The following SLC26A4 variants were observed in gnomAD, a reference collection of about 807,000 sequenced individuals.
The protein encoded by SLC26A4 is pendrin.
Under a neutral mutation model 90.4 loss-of-function variants are expected in SLC26A4, and 93 were observed. That is an observed-to-expected ratio of 1.03 (90% CI 0.87 to 1.22). SLC26A4 has a LOEUF of 1.22. Among genes scored for constraint, SLC26A4 ranks in the 50% most tolerant of loss-of-function variants. The pLI, the probability that SLC26A4 is intolerant of heterozygous loss-of-function variation, is 0.00. For synonymous variants in SLC26A4, 393 were observed against 354.6 expected (o/e 1.11, Z -1.22); for missense variants, 1,127 against 946.2 (o/e 1.19, Z -2.51).
At chr7:107,703,746 T>G (rs1791962092) in intron 17 of SLC26A4, among the ~76,000 whole-genome samples, 1 of 152,246 alleles carries the variant, frequency 6.6e-6, no homozygotes. Context: ...TCCTCCATAA[T>G]TCTCAAATTC....
intron 14 of SLC26A4, among the ~76,000 whole-genome samples, chr7:107,699,657 G>T (rs182751392): frequency 6.6e-6 from 1 of 151,956 alleles, no homozygotes; most frequent in Admixed American, 6.6e-5. Context: ...GGCCGGGCAC[G>T]GTGGTTCACA....
At chr7:107,667,440 C>G (rs1207173562) in intron 3 of SLC26A4, among the ~76,000 whole-genome samples, 1 of 98,304 alleles carries the variant, frequency 1.0e-5, no homozygotes, top group Non-Finnish European at 1.8e-5. Flanking sequence ...AATGTGGGAT[C>G]AGAAGCCAAG....
intron 3 of SLC26A4, among the ~76,000 whole-genome samples, chr7:107,670,306 A>G (rs570310655): frequency 6.6e-6 from 1 of 151,918 alleles, no homozygotes; most frequent in Admixed American, 6.6e-5. Flanking sequence ...ACGGGGTTTC[A>G]CCATCTTGGC....
chr7:107,668,412 G>A (rs1790776145), intron 3 of SLC26A4, among the ~76,000 whole-genome samples: 1 of 152,162 alleles, frequency 6.6e-6, no homozygotes, highest in Admixed American at 6.5e-5. Flanking sequence ...TGGAAGGTTT[G>A]GAGGCTGTAG....
Position 107,712,565 on chromosome 7 carries a change from T to C in SLC26A4, c.2262T>C (p.Asp754=), listed in dbSNP as rs1323198188. The C allele has an allele frequency of 1.3e-6, 2 of 1,587,288 alleles. No homozygotes were observed. The highest frequency in any genetic ancestry group is 8.7e-7 in the Non-Finnish European group (1 of 1,155,608). ...ETITLIQDCK[D]TLELIETELT... Reference sequence around the variant, plus strand: ...TCACTCTCATTCAGGATTGTAAAGATACCCTTGAATTAATAGAAACAGAGC... The same window carrying C: ...TCACTCTCATTCAGGATTGTAAAGACACCCTTGAATTAATAGAAACAGAGC... The change falls in exon 20 of 21, where the codon GAT becomes GAC. Residue 754 remains aspartate, a synonymous_variant. Coordinates refer to ENST00000644269, the MANE Select transcript of SLC26A4 (RefSeq NM_000441.2).
intron 13 of SLC26A4, among the ~76,000 whole-genome samples, chr7:107,696,900 G>T (rs1350497657): frequency 6.6e-6 from 1 of 152,150 alleles, no homozygotes; most frequent in African/African-American, 2.4e-5. Flanking sequence ...GGCCGTGAAA[G>T]AAGAAGACAC....
intron 18 of SLC26A4, among the ~76,000 whole-genome samples, chr7:107,705,056 G>T (rs747158842): frequency 1.3e-5 from 2 of 152,158 alleles, no homozygotes; most frequent in African/African-American, 4.8e-5. Context: ...CTGAGCCACC[G>T]AAGGCTGCTC....
chr7:107,685,803 G>T (rs544120672), intron 8 of SLC26A4, among the ~76,000 whole-genome samples: 1 of 152,170 alleles, frequency 6.6e-6, no homozygotes, highest in East Asian at 1.9e-4. Flanking sequence ...AATCTGCCCA[G>T]TTCCTCACTC....
chr7:107,695,006 C>T (rs1230846216), intron 12 of SLC26A4, among the ~76,000 whole-genome samples: 1 of 152,114 alleles, frequency 6.6e-6, no homozygotes, highest in Non-Finnish European at 1.5e-5. Flanking sequence ...TGTTTAAACA[C>T]CCTAGTTTAG....
rs181366630 is a variant in SLC26A4, at chr7:107,701,941, T to C, written c.1918T>C (p.Trp640Arg). The C allele has an allele frequency of 4.3e-6, 7 of 1,613,546 alleles. No homozygotes were observed. In the Admixed American group the frequency reaches 8.3e-5, roughly 19 times the overall value. The change falls in exon 17 of 21, where the codon TGG becomes CGG. Residue 640 changes from tryptophan to arginine, a missense_variant. By Grantham distance (101) the Trp-to-Arg change is moderately radical. Transcript: ENST00000644269. ...CAAGGAAATAGAGATTCAAGTGGAT[T>C]GGAACTCTGAGCTTCCAGTCAAAGT... ...PTKEIEIQVD[W>R]NSELPVKVNV...
rs1369062417 is a variant in SLC26A4 at position 107,674,241 on chromosome 7, A to G, written c.493A>G (p.Ser165Gly). 5 of 1,614,036 alleles carry G rather than the reference A, an allele frequency of 3.1e-6. No individual in the cohort carries two copies. The African/African-American group carries it at 4.0e-5, about 13-fold the overall frequency. The change falls in exon 5 of 21, where the codon AGC becomes GGC. Residue 165 changes from serine to glycine, a missense_variant. Ser to Gly is a moderately conservative substitution (Grantham distance 56, BLOSUM62 0). Transcript: ENST00000644269. ...MAPDEHFLVSSSNGTVLNTTM... is the reference protein window; with the variant it reads ...MAPDEHFLVSGSNGTVLNTTM... ...CCCCGACGAACACTTTCTCGTATCC[A>G]GCAGCAATGGAACTGTATTAAATAC...
chr7:107,684,740 C>A (rs953895842), intron 8 of SLC26A4, among the ~76,000 whole-genome samples: 1 of 152,134 alleles, frequency 6.6e-6, no homozygotes, highest in Non-Finnish European at 1.5e-5. Context: ...GTGATTCTTG[C>A]CCTCAAGGAA....
chr7:107,678,143 C>G (rs544308366), intron 6 of SLC26A4, among the ~76,000 whole-genome samples: 12 of 152,260 alleles, frequency 7.9e-5, no homozygotes, highest in African/African-American at 2.6e-4. Flanking sequence ...ACTTTTGCAG[C>G]TCCTGGCACA....
chr7:107,669,631 A>G (rs1790811149), intron 3 of SLC26A4, among the ~76,000 whole-genome samples: 1 of 152,238 alleles, frequency 6.6e-6, no homozygotes, highest in East Asian at 1.9e-4. Context: ...ATATTTTTCT[A>G]GAATACAAAC....
At chr7:107,695,728 A>C (rs1185955921) in intron 12 of SLC26A4, among the ~76,000 whole-genome samples, 2 of 152,054 alleles carry the variant, frequency 1.3e-5, no homozygotes, top group East Asian at 3.9e-4. Context: ...CGGGAGGATC[A>C]CTTGAATCCA....
chr7:107,695,273 A>G (rs1359927380), intron 12 of SLC26A4, among the ~76,000 whole-genome samples: 3 of 152,184 alleles, frequency 2.0e-5, no homozygotes, highest in Non-Finnish European at 2.9e-5. Context: ...GGAAAAGCAC[A>G]GACACAGGCA....
rs188343374 is a variant in SLC26A4 at position 107,697,458 on chromosome 7, C to G, written c.1545-584C>G. On this transcript the variant is annotated intron_variant, in intron 13 of 20. Coordinates refer to ENST00000644269, the MANE Select transcript of SLC26A4 (RefSeq NM_000441.2). The stretch of plus-strand genomic sequence containing the variant: ...TTCAGGAATTGTATTTAGCATGTCT[C>G]TAGTCACACATGAAGAGTCACGGAA... Among the ~76,000 whole-genome samples, 11 of 152,312 alleles carry G rather than the reference C, an allele frequency of 7.2e-5. No individual in the cohort carries two copies. The East Asian group carries it at 1.7e-3, about 24-fold the overall frequency.
intron 18 of SLC26A4, among the ~76,000 whole-genome samples, chr7:107,707,290 T>C (rs1792060184): frequency 6.6e-6 from 1 of 152,238 alleles, no homozygotes; most frequent in African/African-American, 2.4e-5. Context: ...CTCCATCAGT[T>C]CATTCAGTCT....
chr7:107,704,116 T>C (rs568731047), intron 17 of SLC26A4, among the ~76,000 whole-genome samples: 1 of 152,324 alleles, frequency 6.6e-6, no homozygotes, highest in South Asian at 2.1e-4. Context: ...TGCTGTGCTA[T>C]TGAGCGCTGG....
Sources: gnomAD v4.1 joint callset for allele counts (sites outside exome capture counted in the v4.1 genomes callset) on GRCh38, gnomAD v4.1.1 for gene constraint, MANE v1.5 for transcripts, NCBI Gene and HGNC (gene_info 2026-07-23, HGNC 2026-07-21) for gene names.